Variants in ANO2 observed in about 807,000 individuals in gnomAD.
The protein encoded by ANO2 is anoctamin-2.
A neutral mutation model predicts 124.2 loss-of-function variants in ANO2; 101 were observed. The ratio of observed to expected loss-of-function variants is 0.81; its 90% CI spans 0.69 to 0.96. The LOEUF (loss-of-function observed/expected upper bound fraction) is 0.96. Among genes scored for constraint, ANO2 ranks in the 40% least tolerant of loss-of-function variants. The pLI is 0.00. For missense variants in ANO2, 1,293 were observed against 1,274.5 expected (o/e 1.01, Z -0.22); for synonymous variants, 486 against 482.5 (o/e 1.01, Z -0.09).
rs1276061742 is a variant in ANO2 at position 5,686,143 on chromosome 12, A to G, written c.1546-38342T>C. On this transcript the variant is annotated intron_variant, in intron 14 of 24. Transcript: ENST00000682330. ...CAAGTCCCGGGTAGCTCTCGAGAAC[A>G]GTAAAGTCCCCTTCCCCTCCCCACT... 2.0e-5 allele frequency among the ~76,000 whole-genome samples: 3 copies of G among 152,112 alleles called. No homozygotes were observed. In the East Asian group the frequency reaches 5.8e-4, roughly 29 times the overall value.
intron 3 of ANO2, among the ~76,000 whole-genome samples, chr12:5,875,855 G>C (rs1242468158): frequency 1.3e-5 from 2 of 151,706 alleles, no homozygotes; most frequent in Admixed American, 1.3e-4. Context: ...CTCTATGACT[G>C]GTTCATTTCA....
At chr12:5,907,875 G>A (rs1940801715) in intron 3 of ANO2, among the ~76,000 whole-genome samples, 1 of 152,240 alleles carries the variant, frequency 6.6e-6, no homozygotes, top group Non-Finnish European at 1.5e-5. Context: ...CTCCTGGGGA[G>A]CCCAGTGGGG....
chr12:5,760,366 A>C (rs1210799337), intron 10 of ANO2, among the ~76,000 whole-genome samples: 2 of 152,032 alleles, frequency 1.3e-5, no homozygotes. Context: ...GAGATAAAAC[A>C]CAAGAGGGAA....
chr12:5,586,148 G>A (rs1943100260), intron 20 of ANO2, among the ~76,000 whole-genome samples: 1 of 152,154 alleles, frequency 6.6e-6, no homozygotes, highest in South Asian at 2.1e-4. Context: ...TATCCCAGAA[G>A]CCTTTTGTGG....
chr12:5,583,137 C>G (rs938116696), intron 20 of ANO2, among the ~76,000 whole-genome samples: 3 of 152,158 alleles, frequency 2.0e-5, no homozygotes, highest in East Asian at 1.9e-4. Flanking sequence ...TTATTTTCAC[C>G]AGTTGTGAAA....
intron 14 of ANO2, among the ~76,000 whole-genome samples, chr12:5,715,736 C>G (rs1950000649): frequency 6.6e-6 from 1 of 152,200 alleles, no homozygotes; most frequent in African/African-American, 2.4e-5. Context: ...AGGGTCATAT[C>G]TGTGTAATTC....
intron 23 of ANO2, among the ~76,000 whole-genome samples, chr12:5,569,604 T>A (rs1347925960): frequency 6.6e-6 from 1 of 152,148 alleles, no homozygotes; most frequent in Middle Eastern, 3.2e-3. Flanking sequence ...GAGGAAGTCA[T>A]TCCCCATTTC....
At chr12:5,578,215 C>T (rs538743271) in intron 21 of ANO2, 151 bp downstream of exon 21, 134 of 1,242,238 alleles carry the variant, frequency 1.1e-4, no homozygotes, top group Admixed American at 1.2e-4. Flanking sequence ...TCTCAGAAGG[C>T]GTCCCTGCAC....
At chr12:5,797,027 G>C (rs759475061) in intron 10 of ANO2, among the ~76,000 whole-genome samples, 1 of 152,228 alleles carries the variant, frequency 6.6e-6, no homozygotes, top group Non-Finnish European at 1.5e-5. Flanking sequence ...ACCTTGGCCA[G>C]GCCTGTGCAT....
intron 3 of ANO2, among the ~76,000 whole-genome samples, chr12:5,896,622 A>G (rs973983325): frequency 6.6e-6 from 1 of 152,224 alleles, no homozygotes; most frequent in Non-Finnish European, 1.5e-5. Flanking sequence ...AACACTGTGT[A>G]GAGATATTAT....
intron 11 of ANO2, among the ~76,000 whole-genome samples, chr12:5,748,902 T>C (rs1401513072): frequency 6.8e-6 from 1 of 147,770 alleles, no homozygotes; most frequent in Non-Finnish European, 1.5e-5. Context: ...AACAAAACAC[T>C]TGACAATTGA....
At chr12:5,565,006 C>G (rs1463889586) in intron 24 of ANO2, among the ~76,000 whole-genome samples, 1 of 152,136 alleles carries the variant, frequency 6.6e-6, no homozygotes, top group Non-Finnish European at 1.5e-5. Flanking sequence ...CTCAGCGATG[C>G]AATTGGAGCT....
At chr12:5,755,208 T>C (rs1404484835) in intron 10 of ANO2, among the ~76,000 whole-genome samples, 1 of 151,786 alleles carries the variant, frequency 6.6e-6, no homozygotes, top group Non-Finnish European at 1.5e-5. Flanking sequence ...TTCAATACTT[T>C]GAATATATCA....
At chr12:5,859,529 G>A (rs780858064) in intron 3 of ANO2, among the ~76,000 whole-genome samples, 6 of 151,628 alleles carry the variant, frequency 4.0e-5, no homozygotes, top group African/African-American at 7.3e-5. Flanking sequence ...TGAGTTCACC[G>A]GTCTCTCTCT....
rs76654091 is a variant in ANO2 at position 5,717,224 on chromosome 12, T to G, written c.1545+15296A>C. On this transcript the variant is annotated intron_variant, in intron 14 of 24. Transcript: ENST00000682330. ...AGCACAGAGCAAGCCCTTGGATTGC[T>G]CTTCCTTCCCACACCTCCTACCAGT... Among the ~76,000 whole-genome samples the G allele has an allele frequency of 1.1e-3, 165 of 152,330 alleles. 1 individual carries two copies. The highest frequency in any genetic ancestry group is 1.9e-3 in the Non-Finnish European group (132 of 68,032).
intron 3 of ANO2, among the ~76,000 whole-genome samples, chr12:5,864,140 TA>T (rs1348534245): frequency 2.0e-5 from 3 of 151,918 alleles, no homozygotes; most frequent in Admixed American, 1.3e-4. Context: ...GGATCCCACA[TA>T]AAAAAAATCA....
At chr12:5,820,428 A>C (rs376054799) in intron 7 of ANO2, among the ~76,000 whole-genome samples, 27 of 152,178 alleles carry the variant, frequency 1.8e-4, no homozygotes, top group African/African-American at 6.0e-4. Flanking sequence ...ATGGAGTTTC[A>C]GGTCAGGTCT....
chr12:5,647,907 A>G, intron 14 of ANO2, 106 bp from the exon 15 acceptor site: 1 of 824,696 alleles, frequency 1.2e-6, no homozygotes, highest in African/African-American at 1.7e-5. Flanking sequence ...ATCACTCTAT[A>G]TAGATATATT....
intron 1 of ANO2, among the ~76,000 whole-genome samples, chr12:5,943,008 T>C (rs1215976718): frequency 6.6e-6 from 1 of 152,204 alleles, no homozygotes; most frequent in Non-Finnish European, 1.5e-5. Context: ...ACTTTAACAC[T>C]GCTGCTGAGA....
Sources: allele counts gnomAD v4.1 joint callset (sites outside exome capture counted in the v4.1 genomes callset), GRCh38; gene constraint gnomAD v4.1.1; transcripts MANE v1.5; gene names NCBI Gene and HGNC (gene_info 2026-07-23, HGNC 2026-07-21).